CCAR1: variants seen among roughly 807,000 people sequenced by gnomAD.
CCAR1 encodes cell division cycle and apoptosis regulator 1.
CCAR1 carries 78 observed loss-of-function variants against 163.8 expected under a neutral mutation model. The ratio of observed to expected loss-of-function variants is 0.48; its 90% CI spans 0.40 to 0.57. The LOEUF is 0.57. Among genes scored for constraint, CCAR1 ranks in the 20% least tolerant of loss-of-function variants. The probability of loss-of-function intolerance (pLI) is 0.00; values close to 1 mark genes in which losing one functional copy is unlikely to be tolerated. For missense variants in CCAR1, 1,019 were observed against 1,365.2 expected, an observed-to-expected ratio of 0.75 and a Z score of 4.00; for synonymous variants, 443 against 460.7, an observed-to-expected ratio of 0.96 and a Z score of 0.49.
chr10:68,786,587 G>A lies in CCAR1; in HGVS notation c.2775G>A (p.Leu925=), dbSNP rs765198483. Reference sequence around the variant, plus strand: ...AAATGATCACAATTAACAGAGATCTGTTAATGGCTTTTGTTTATTTTGATC... The same window carrying A: ...AAATGATCACAATTAACAGAGATCTATTAATGGCTTTTGTTTATTTTGATC... ...KTQMITINRD[L]LMAFVYFDQS... Residue 925 remains leucine, a synonymous_variant, in exon 21 of 25, where the codon CTG becomes CTA. Coordinates refer to ENST00000265872, the MANE Select transcript of CCAR1 (RefSeq NM_018237.4). The A allele has an allele frequency of 3.1e-6, 5 of 1,597,546 alleles. No homozygotes were observed. The East Asian group carries it at 6.7e-5, about 21-fold the overall frequency.
At chr10:68,755,588 AGTT>A (rs1297987888) in intron 13 of CCAR1, 52 bp downstream of exon 13, 4 of 1,472,382 alleles carry the variant, frequency 2.7e-6, no homozygotes, top group Non-Finnish European at 3.7e-6. Context: ...TAGTTTATGT[AGTT>A]GTTCTTATCG....
intron 2 of CCAR1, among the ~76,000 whole-genome samples, chr10:68,729,318 G>A (rs1323137314): frequency 6.8e-6 from 1 of 147,778 alleles, no homozygotes; most frequent in East Asian, 2.0e-4. Context: ...CGCCCATGCT[G>A]GAGTGCAGTG....
intron 8 of CCAR1, among the ~76,000 whole-genome samples, chr10:68,748,491 T>TC (rs2056288005): frequency 6.7e-6 from 1 of 149,534 alleles, no homozygotes; most frequent in African/African-American, 2.4e-5. Flanking sequence ...TGTTCTTTTT[T>TC]TTTTTTTTTT....
chr10:68,788,996 A>G (rs1486480724), intron 23 of CCAR1, among the ~76,000 whole-genome samples: 3 of 146,720 alleles, frequency 2.0e-5, no homozygotes. Context: ...TGCAACCTCC[A>G]CCTCCCAAGT....
At chr10:68,737,735 A>G (rs1383287425) in intron 3 of CCAR1, 110 bp from the exon 4 acceptor site, 2 of 522,870 alleles carry the variant, frequency 3.8e-6, no homozygotes, top group Non-Finnish European at 6.6e-6. Flanking sequence ...ACCAGAACAG[A>G]AAGTTTATGT....
chr10:68,764,167 T>G (rs1225475520), intron 16 of CCAR1, among the ~76,000 whole-genome samples: 1 of 152,204 alleles, frequency 6.6e-6, no homozygotes. Flanking sequence ...GTGATCTGAC[T>G]CTACCCTATG....
rs369180983 is a variant in CCAR1 at position 68,771,723 on chromosome 10, C to T, written c.2538+278C>T. The stretch of plus-strand genomic sequence containing the variant: ...GCTTAAACCTGGGAGGTGGAGGTTG[C>T]AGTGAGCCAAGCTTGCACCACTGCA... On this transcript the variant is annotated intron_variant, in intron 18 of 24. Coordinates refer to ENST00000265872, the MANE Select transcript of CCAR1 (RefSeq NM_018237.4). 3.3e-5 allele frequency among the ~76,000 whole-genome samples: 5 copies of T among 151,466 alleles called. No individual in the cohort carries two copies. In the South Asian group the frequency reaches 1.1e-3, roughly 32 times the overall value.
intron 16 of CCAR1, among the ~76,000 whole-genome samples, chr10:68,763,646 C>T (rs569737666): frequency 2.6e-5 from 4 of 151,840 alleles, no homozygotes; most frequent in Non-Finnish European, 5.9e-5. Context: ...TGGGGTTTCG[C>T]CATGTTAGCC....
At chr10:68,728,359 G>GTT (rs139574162) in intron 2 of CCAR1, among the ~76,000 whole-genome samples, 1 of 149,820 alleles carries the variant, frequency 6.7e-6, no homozygotes, top group Non-Finnish European at 1.5e-5. Flanking sequence ...AATCCTGGAG[G>GTT]TTTTTTTTTC....
intron 2 of CCAR1, among the ~76,000 whole-genome samples, chr10:68,729,961 C>T (rs1206990606): frequency 2.0e-5 from 3 of 151,876 alleles, no homozygotes; most frequent in Non-Finnish European, 2.9e-5. Context: ...CTCTTGTTGC[C>T]CAGGCTGGAG....
At chr10:68,758,812 A>G (rs2056433127) in intron 15 of CCAR1, among the ~76,000 whole-genome samples, 1 of 151,474 alleles carries the variant, frequency 6.6e-6, no homozygotes, top group African/African-American at 2.4e-5. Context: ...AGCTGGGACT[A>G]CAGGCCTGTG....
At chr10:68,737,109 G>A in intron 3 of CCAR1, 61 bp downstream of exon 3, 1 of 1,130,980 alleles carries the variant, frequency 8.8e-7, no homozygotes, top group Non-Finnish European at 1.3e-6. Flanking sequence ...TGAGTAGCTA[G>A]CATTGCTACC....
intron 10 of CCAR1, among the ~76,000 whole-genome samples, chr10:68,752,019 CCAT>C (rs1404254008): frequency 6.7e-6 from 1 of 149,998 alleles, no homozygotes. Flanking sequence ...CGGGTTCACG[CCAT>C]TCTCCTGCCT....
At chr10:68,765,762 C>T in intron 16 of CCAR1, 126 bp from the exon 17 acceptor site, 1 of 645,852 alleles carries the variant, frequency 1.5e-6, no homozygotes, top group South Asian at 2.1e-5. Context: ...GTATAAGTAC[C>T]ATGAAGAGTC....
chr10:68,763,989 T>C (rs559644311), intron 16 of CCAR1, among the ~76,000 whole-genome samples: 6 of 152,318 alleles, frequency 3.9e-5, no homozygotes, highest in Admixed American at 3.9e-4. Flanking sequence ...GATATGCTCA[T>C]TGCAATTAGG....
At chr10:68,770,792 A>G (rs910362342) in intron 17 of CCAR1, among the ~76,000 whole-genome samples, 2 of 152,070 alleles carry the variant, frequency 1.3e-5, no homozygotes, top group Non-Finnish European at 2.9e-5. Flanking sequence ...AATGTTTGAT[A>G]AGTGGCTAGG....
chr10:68,745,017 T>A (rs1212974285), intron 6 of CCAR1, among the ~76,000 whole-genome samples: 1 of 152,030 alleles, frequency 6.6e-6, no homozygotes, highest in Non-Finnish European at 1.5e-5. Context: ...TTAATTAATT[T>A]TTTTTGAGAC....
At chr10:68,746,482 G>A (rs2133344494) in intron 6 of CCAR1, among the ~76,000 whole-genome samples, 1 of 152,048 alleles carries the variant, frequency 6.6e-6, no homozygotes. Context: ...GGCTGGTGTT[G>A]AACTCCTTAA....
Position 68,737,877 on chromosome 10 carries a change from T to C in CCAR1, c.279T>C (p.Ser93=). ...QYSQPQQALY[S]VQQQLQQPQQ... is the part of the protein sequence containing the mutation. ...CACAACCTCAGCAGGCCCTGTATAG[T>C]GTGCAACAACAGGTTAGTTTATATT... Residue 93 remains serine, a synonymous_variant, in exon 4 of 25, where the codon AGT becomes AGC. Transcript: ENST00000265872. 2 of 1,595,386 alleles carry C rather than the reference T, an allele frequency of 1.3e-6. No homozygotes were observed.
Sources: gnomAD v4.1 joint callset for allele counts (sites outside exome capture counted in the v4.1 genomes callset) on GRCh38, gnomAD v4.1.1 for gene constraint, MANE v1.5 for transcripts, NCBI Gene and HGNC (gene_info 2026-07-23, HGNC 2026-07-21) for gene names.